MEIOC: variants seen among roughly 807,000 people sequenced by gnomAD.
MEIOC encodes the protein meiosis specific with coiled-coil domain, also known as meiosis-specific coiled-coil domain-containing protein MEIOC.
Under a neutral mutation model 85.3 loss-of-function variants are expected in MEIOC, and 9 were observed. The observed-to-expected ratio is 0.11, with a 90% CI of 0.06 to 0.18. The LOEUF (loss-of-function observed/expected upper bound fraction) is 0.18, where lower values mean the gene tolerates loss of function less well. Among genes scored for constraint, MEIOC ranks in the 10% least tolerant of loss-of-function variants. The pLI is 1.00. For synonymous variants in MEIOC, 365 were observed against 393.7 expected (o/e 0.93, Z 0.86); for missense variants, 898 against 1,129.4 (o/e 0.80, Z 2.94).
intron 4 of MEIOC, 100 bp from the exon 5 acceptor site, chr17:44,666,276 G>T: frequency 1.0e-6 from 1 of 976,314 alleles, no homozygotes; most frequent in Non-Finnish European, 1.5e-6. Context: ...TGGTGACATG[G>T]GGCAAGATAA....
chr17:44,672,163 G>T (rs1242785334), intron 6 of MEIOC, among the ~76,000 whole-genome samples: 1 of 151,940 alleles, frequency 6.6e-6, no homozygotes, highest in Non-Finnish European at 1.5e-5. Context: ...TGTATTTTTA[G>T]TAGAGACAGG....
chr17:44,666,572 G>A lies in MEIOC; in HGVS notation c.661G>A (p.Asp221Asn), dbSNP rs1971906771. ...NSNLTPQQKIDELHHGFTGLD... is the reference protein window; with the variant it reads ...NSNLTPQQKINELHHGFTGLD... ...TAATCTCACACCACAACAAAAAATAGATGAACTTCATCATGGATTTACTGG... is the reference window on the plus strand; with the variant it reads ...TAATCTCACACCACAACAAAAAATAAATGAACTTCATCATGGATTTACTGG... The change falls in exon 5 of 8, where the codon GAT becomes AAT. Residue 221 changes from aspartate (D) to asparagine (N), a missense_variant. Coordinates refer to ENST00000409122, the MANE Select transcript of MEIOC (RefSeq NM_001145080.3). 5 of 1,610,474 alleles carry A rather than the reference G, an allele frequency of 3.1e-6. No homozygotes were observed. The East Asian group carries it at 6.7e-5, about 22-fold the overall frequency.
downstream of MEIOC, chr17:44,676,934 C>T (rs1972084341): frequency 3.0e-6 from 3 of 984,552 alleles, no homozygotes; most frequent in Admixed American, 6.2e-5. Flanking sequence ...AGCTGATCCT[C>T]TATTTTCTGT....
intron 2 of MEIOC, among the ~76,000 whole-genome samples, chr17:44,661,645 G>A (rs373746955): frequency 2.6e-5 from 4 of 151,876 alleles, no homozygotes; most frequent in Non-Finnish European, 5.9e-5. Context: ...TCCGCCTCCC[G>A]GGTTCATGCC....
At chr17:44,658,094 C>T (rs1971790214) in intron 2 of MEIOC, among the ~76,000 whole-genome samples, 2 of 151,198 alleles carry the variant, frequency 1.3e-5, no homozygotes, top group Admixed American at 1.3e-4. Flanking sequence ...TCCAGCCATC[C>T]TCCCGCCTCG....
rs939337483 is a variant in MEIOC, at chr17:44,656,493, C to CGGCGGA, written c.-115_-110dup. The CGGCGGA allele has an allele frequency of 7.8e-6, 6 of 765,272 alleles. No individual in the cohort carries two copies. The African/African-American group carries it at 1.1e-4, about 14-fold the overall frequency. 47.4% of individuals were successfully genotyped at this position (765,272 alleles called of 1,614,324 possible). ...ACACTGGCTCCAGGCAGCGCCCGGG[C>CGGCGGA]GGCGGAGGCGGCTGCGGAGACGGCG... On this transcript the variant is annotated 5_prime_UTR_variant, in exon 1 of 8. Coordinates refer to ENST00000409122, the MANE Select transcript of MEIOC (RefSeq NM_001145080.3).
chr17:44,673,447 T>C lies in MEIOC; in HGVS notation c.2539T>C (p.Leu847=), dbSNP rs769432102. The C allele has an allele frequency of 2.3e-5, 36 of 1,550,838 alleles. No homozygotes were observed. The highest frequency in any genetic ancestry group is 3.1e-5 in the Non-Finnish European group (35 of 1,146,292). ...TATCTCTACTGCTCTTGATAGACAC[T>C]TGGAGTCTATTCACATTGTACAGTC... ...ASISTALDRH[L]ESIHIVQSRR... Residue 847 remains leucine, a synonymous_variant, in exon 7 of 8, where the codon TTG becomes CTG. Coordinates refer to ENST00000409122, the MANE Select transcript of MEIOC (RefSeq NM_001145080.3).
chr17:44,657,051 C>CCG, intron 1 of MEIOC, 76 bp from the exon 2 acceptor site: 1 of 1,469,214 alleles, frequency 6.8e-7, no homozygotes, highest in Non-Finnish European at 9.1e-7. Flanking sequence ...CGAGGTAGAA[C>CCG]AGGTGTCGGG....
At chr17:44,658,692 G>A (rs1186754029) in intron 2 of MEIOC, among the ~76,000 whole-genome samples, 1 of 150,242 alleles carries the variant, frequency 6.7e-6, no homozygotes, top group Non-Finnish European at 1.5e-5. Context: ...CTACTTGGGA[G>A]ACTGAGGCAG....
Position 44,674,511 on chromosome 17 carries a change from T to C in MEIOC, c.*315T>C, listed in dbSNP as rs1972050128. The C allele has an allele frequency of 9.5e-7, 1 of 1,049,280 alleles. No individual in the cohort carries two copies. Among genetic ancestry groups the C allele is most frequent in the African/African-American group, 1.7e-5 (1 of 59,730 alleles). The allele number at this position is 1,049,280 out of a possible 1,614,324, so 65.0% of individuals were successfully genotyped here. On this transcript the variant is annotated 3_prime_UTR_variant, in exon 8 of 8. Transcript: ENST00000409122. The stretch of plus-strand genomic sequence containing the variant: ...TCTGCCATGCAGGTAAATGCAAATG[T>C]GAAATTCTTCTAGGAGATAAATTTC...
chr17:44,672,103 C>G (rs995191490), intron 6 of MEIOC, among the ~76,000 whole-genome samples: 1 of 152,118 alleles, frequency 6.6e-6, no homozygotes, highest in Non-Finnish European at 1.5e-5. Context: ...GCCTCAGCCT[C>G]CTGAATAGCT....
chr17:44,671,547 C>CA (rs201226549), intron 6 of MEIOC, among the ~76,000 whole-genome samples: 12,884 of 112,566 alleles, frequency 0.11, 578 homozygotes, highest in East Asian at 0.18. Context: ...GACCCTGTCT[C>CA]AAAAAAAAAA....
chr17:44,674,217 GAATA>G lies in MEIOC; in HGVS notation c.*24_*27del. The G allele has an allele frequency of 3.3e-6, 5 of 1,532,800 alleles. No homozygotes were observed. The highest frequency in any genetic ancestry group is 2.1e-5 in the Admixed American group (1 of 47,982). The allele number at this position is 1,532,800 out of a possible 1,614,324, so 94.9% of individuals were successfully genotyped here. ...ATTAAGGAAATGCCAGCAGAAAGAA[GAATA>G]AAAAGCTGATAAATATACCAAGACA... is the stretch of plus-strand genomic sequence containing the variant. On this transcript the variant is annotated 3_prime_UTR_variant, in exon 8 of 8. Transcript: ENST00000409122.
In MEIOC at chr17:44,667,076, C is replaced by G. The variant is rs1367222644; in HGVS notation, c.1165C>G (p.Gln389Glu). The G allele has an allele frequency of 1.2e-6, 2 of 1,613,726 alleles. No individual in the cohort carries two copies. Among genetic ancestry groups the G allele is most frequent in the South Asian group, 1.1e-5 (1 of 91,056 alleles). Reference protein sequence around the residue: ...QKKMEETIPDQQNFTFPKTTP... With the variant: ...QKKMEETIPDEQNFTFPKTTP... ...AAAAATGGAGGAGACAATCCCTGAT[C>G]AGCAGAATTTCACATTTCCAAAAAC... The change falls in exon 5 of 8, where the codon CAG becomes GAG. Residue 389 changes from glutamine (Q) to glutamate (E), a missense_variant. Coordinates refer to ENST00000409122, the MANE Select transcript of MEIOC (RefSeq NM_001145080.3).
At chr17:44,659,001 TTACTC>T (rs1444970046) in intron 2 of MEIOC, among the ~76,000 whole-genome samples, 6 of 152,084 alleles carry the variant, frequency 3.9e-5, no homozygotes, top group African/African-American at 1.4e-4. Context: ...AAATTTCACT[TTACTC>T]CTTTATTTTC....
chr17:44,674,668 A>G lies in MEIOC; in HGVS notation c.*472A>G, dbSNP rs1972052324. 2 of 986,666 alleles carry G rather than the reference A, an allele frequency of 2.0e-6. No individual in the cohort carries two copies. The highest frequency in any genetic ancestry group is 1.2e-6 in the Non-Finnish European group (1 of 830,284). 61.1% of individuals were successfully genotyped at this position (986,666 alleles called of 1,614,324 possible). A position where few individuals can be genotyped will look rare whatever the true frequency, so the allele number is the denominator to read the frequency against. ...CAAAGTGTTTTCCTTACAAAACTGG[A>G]TAATACCTGGGAAACAAAGGAAAAT... On this transcript the variant is annotated 3_prime_UTR_variant, in exon 8 of 8. Transcript: ENST00000409122.
At chr17:44,661,375 G>A (rs1971839533) in intron 2 of MEIOC, among the ~76,000 whole-genome samples, 2 of 147,010 alleles carry the variant, frequency 1.4e-5, no homozygotes, top group African/African-American at 5.0e-5. Flanking sequence ...TTTTAGATTT[G>A]TTACATATTG....
At chr17:44,669,266 A>G in intron 5 of MEIOC, 117 bp from the exon 6 acceptor site, 1 of 815,242 alleles carries the variant, frequency 1.2e-6, no homozygotes, top group Non-Finnish European at 1.9e-6. Flanking sequence ...TTGATACCAA[A>G]ACAGAATTTT....
intron 6 of MEIOC, 39 bp downstream of exon 6, chr17:44,669,556 G>A (rs373974529): frequency 3.7e-5 from 57 of 1,545,138 alleles, no homozygotes; most frequent in Non-Finnish European, 4.6e-5. Context: ...TGGATTTTTT[G>A]TTAAATTTTT....
Sources: gnomAD v4.1 joint callset for allele counts (sites outside exome capture counted in the v4.1 genomes callset) on GRCh38, gnomAD v4.1.1 for gene constraint, MANE v1.5 for transcripts, NCBI Gene and HGNC (gene_info 2026-07-23, HGNC 2026-07-21) for gene names.